The following ST6GALNAC3 variants were observed in gnomAD, a reference collection of about 807,000 sequenced individuals.
ST6GALNAC3 encodes ST6 N-acetylgalactosaminide alpha-2,6-sialyltransferase 3, also known as alpha-N-acetylgalactosaminide alpha-2,6-sialyltransferase 3.
In ST6GALNAC3, 25 loss-of-function variants were observed where a neutral mutation model predicts 32.7. The ratio of observed to expected loss-of-function variants is 0.76; its 90% CI spans 0.56 to 1.07. The LOEUF (loss-of-function observed/expected upper bound fraction) is 1.07. Among genes scored for constraint, ST6GALNAC3 ranks in the 50% least tolerant of loss-of-function variants. The pLI, the probability that ST6GALNAC3 is intolerant of heterozygous loss-of-function variation, is 0.00. For synonymous variants in ST6GALNAC3, 129 were observed against 133.1 expected, an observed-to-expected ratio of 0.97 and a Z score of 0.21; for missense variants, 355 against 382.4, an observed-to-expected ratio of 0.93 and a Z score of 0.60.
chr1:76,336,059 TCTCAAAGC>T (rs1479138092), intron 2 of ST6GALNAC3, among the ~76,000 whole-genome samples: 11 of 152,118 alleles, frequency 7.2e-5, no homozygotes. Flanking sequence ...AGGGTCATAC[TCTCAAAGC>T]CTTTCTGATG....
intron 3 of ST6GALNAC3, among the ~76,000 whole-genome samples, chr1:76,613,529 T>C (rs1052572040): frequency 3.9e-5 from 6 of 152,222 alleles, no homozygotes; most frequent in African/African-American, 1.2e-4. Flanking sequence ...GGGATATGGT[T>C]TGGATTTGTA....
At chr1:76,254,351 A>C (rs191902643) in intron 1 of ST6GALNAC3, among the ~76,000 whole-genome samples, 30 of 152,230 alleles carry the variant, frequency 2.0e-4, no homozygotes, top group African/African-American at 7.0e-4. Context: ...ACCCTTCATC[A>C]GGATGGAAAA....
Position 76,629,780 on chromosome 1 carries a change from A to G in ST6GALNAC3, c.*974A>G. 4 of 970,946 alleles carry G rather than the reference A, an allele frequency of 4.1e-6. No individual in the cohort carries two copies. Among genetic ancestry groups the G allele is most frequent in the Non-Finnish European group, 4.9e-6 (4 of 816,534 alleles). 60.1% of individuals were successfully genotyped at this position (970,946 alleles called of 1,614,324 possible). On this transcript the variant is annotated 3_prime_UTR_variant, in exon 5 of 5. Transcript: ENST00000328299. ...TTTTTACATCAATTTGTATCCTATC[A>G]TACTTCATAATATATATTTGTATAT...
intron 1 of ST6GALNAC3, among the ~76,000 whole-genome samples, chr1:76,300,422 TAG>T (rs1320431191): frequency 6.6e-6 from 1 of 151,964 alleles, no homozygotes; most frequent in Non-Finnish European, 1.5e-5. Flanking sequence ...GTTATCATTA[TAG>T]AGTCATTAAA....
intron 1 of ST6GALNAC3, among the ~76,000 whole-genome samples, chr1:76,287,817 A>G (rs1659870389): frequency 6.6e-6 from 1 of 152,198 alleles, no homozygotes; most frequent in Non-Finnish European, 1.5e-5. Flanking sequence ...TTTGCAAACA[A>G]TAGTACAGTT....
chr1:76,378,543 T>C (rs1427273794), intron 2 of ST6GALNAC3, among the ~76,000 whole-genome samples: 1 of 151,672 alleles, frequency 6.6e-6, no homozygotes, highest in East Asian at 2.0e-4. Context: ...GCGCCTGTAA[T>C]CCCAGCTACT....
intron 1 of ST6GALNAC3, among the ~76,000 whole-genome samples, chr1:76,111,983 C>T (rs1187919531): frequency 6.6e-6 from 1 of 152,030 alleles, no homozygotes; most frequent in African/African-American, 2.4e-5. Flanking sequence ...GGTGGCCGGG[C>T]AGAGGGGCTC....
intron 3 of ST6GALNAC3, among the ~76,000 whole-genome samples, chr1:76,451,551 A>G (rs1364778960): frequency 6.6e-6 from 1 of 152,164 alleles, no homozygotes; most frequent in Non-Finnish European, 1.5e-5. Flanking sequence ...ATCCATCAGC[A>G]TGGAATGTGT....
chr1:76,554,765 G>A (rs1055319030), intron 3 of ST6GALNAC3, among the ~76,000 whole-genome samples: 3 of 152,020 alleles, frequency 2.0e-5, no homozygotes, highest in Admixed American at 2.0e-4. Context: ...ACAATCCCTG[G>A]GCTGCTGAGG....
At chr1:76,187,897 C>T (rs938516053) in intron 1 of ST6GALNAC3, among the ~76,000 whole-genome samples, 1 of 152,310 alleles carries the variant, frequency 6.6e-6, no homozygotes, top group Admixed American at 6.5e-5. Flanking sequence ...TCCCTCCAGC[C>T]TCCAGGCTTT....
intron 3 of ST6GALNAC3, among the ~76,000 whole-genome samples, chr1:76,569,753 T>C (rs1465215050): frequency 6.6e-6 from 1 of 152,164 alleles, no homozygotes; most frequent in Non-Finnish European, 1.5e-5. Flanking sequence ...AAATATCATA[T>C]TTCTCACTAG....
intron 3 of ST6GALNAC3, among the ~76,000 whole-genome samples, chr1:76,514,621 C>T (rs1158620930): frequency 3.3e-5 from 5 of 152,146 alleles, no homozygotes; most frequent in Non-Finnish European, 5.9e-5. Context: ...CCTCTCTTTA[C>T]ACACATATGC....
In ST6GALNAC3 at chr1:76,629,124, G is replaced by A; in HGVS notation, c.*318G>A. 1 of 1,098,908 alleles carries A rather than the reference G, an allele frequency of 9.1e-7. No individual in the cohort carries two copies. Among genetic ancestry groups the A allele is most frequent in the South Asian group, 2.8e-5 (1 of 35,188 alleles). 68.1% of individuals were successfully genotyped at this position (1,098,908 alleles called of 1,614,324 possible). On this transcript the variant is annotated 3_prime_UTR_variant, in exon 5 of 5. Transcript: ENST00000328299. ...AATGGGAAGATTATCTTTCAAGATA[G>A]CTGCCTAGAATTGTTCAACAGTGAG...
chr1:76,504,982 A>G (rs1275247554), intron 3 of ST6GALNAC3, among the ~76,000 whole-genome samples: 1 of 152,220 alleles, frequency 6.6e-6, no homozygotes, highest in African/African-American at 2.4e-5. Flanking sequence ...AACTCAGCAT[A>G]CACAATGAGG....
chr1:76,279,230 T>A (rs1659359578), intron 1 of ST6GALNAC3, among the ~76,000 whole-genome samples: 1 of 152,228 alleles, frequency 6.6e-6, no homozygotes, highest in East Asian at 1.9e-4. Context: ...GTCATTTTAA[T>A]GTTTTCTTAA....
chr1:76,557,607 G>A (rs780852233), intron 3 of ST6GALNAC3, among the ~76,000 whole-genome samples: 5 of 151,936 alleles, frequency 3.3e-5, no homozygotes, highest in African/African-American at 1.2e-4. Context: ...CCAATTTTCA[G>A]GTAATAAATA....
chr1:76,178,165 A>G (rs1209835384), intron 1 of ST6GALNAC3, among the ~76,000 whole-genome samples: 1 of 152,244 alleles, frequency 6.6e-6, no homozygotes, highest in African/African-American at 2.4e-5. Context: ...AGGAAGATTA[A>G]ACATTAATTA....
chr1:76,243,481 C>T (rs1657081451), intron 1 of ST6GALNAC3, among the ~76,000 whole-genome samples: 1 of 152,118 alleles, frequency 6.6e-6, no homozygotes, highest in African/African-American at 2.4e-5. Flanking sequence ...TCAACTTTGG[C>T]TTTTGTTGCC....
intron 1 of ST6GALNAC3, among the ~76,000 whole-genome samples, chr1:76,178,678 G>A (rs891952460): frequency 2.0e-5 from 3 of 152,116 alleles, no homozygotes; most frequent in Admixed American, 2.0e-4. Flanking sequence ...AAGACAGAGG[G>A]AGAAAGAGGG....
Sources: allele counts gnomAD v4.1 joint callset (sites outside exome capture counted in the v4.1 genomes callset), GRCh38; gene constraint gnomAD v4.1.1; transcripts MANE v1.5; gene names NCBI Gene and HGNC (gene_info 2026-07-23, HGNC 2026-07-21).